The following MID1 variants were observed in gnomAD, a reference collection of about 807,000 sequenced individuals.
MID1 encodes E3 ubiquitin-protein ligase Midline-1.
A neutral mutation model predicts 40.4 loss-of-function variants in MID1; 7 were observed. The ratio of observed to expected loss-of-function variants is 0.17; its 90% confidence interval spans 0.10 to 0.33. MID1 has a LOEUF of 0.33. MID1 is among the 10% of genes least tolerant of loss of function. The probability of loss-of-function intolerance (pLI) is 1.00; values close to 1 mark genes in which losing one functional copy is unlikely to be tolerated. For synonymous variants in MID1, 229 were observed against 221.2 expected (o/e 1.04, Z -0.31); for missense variants, 367 against 558.5 (o/e 0.66, Z 3.46).
chrX:10,728,197 C>T (rs187648510), intron 1 of MID1, among the ~76,000 whole-genome samples: 32 of 110,847 alleles, frequency 2.9e-4, no homozygotes, highest in Non-Finnish European at 5.5e-4. Flanking sequence ...TTTTCCCCCC[C>T]CAGGAAAAAA....
intron 1 of MID1, among the ~76,000 whole-genome samples, chrX:10,630,860 A>G (rs1001634010): frequency 9.0e-6 from 1 of 110,781 alleles, no homozygotes; most frequent in African/African-American, 3.3e-5. Context: ...TATGTGTCAG[A>G]TAAAGAGCAG....
chrX:10,819,326 T>C (rs1309157882), intron 1 of MID1, among the ~76,000 whole-genome samples: 1 of 112,387 alleles, frequency 8.9e-6, no homozygotes, highest in Non-Finnish European at 1.9e-5. Context: ...TTAATTTGTA[T>C]TGTAACTTAT....
chrX:10,707,574 T>C (rs2147086705), intron 1 of MID1, among the ~76,000 whole-genome samples: 1 of 112,461 alleles, frequency 8.9e-6, no homozygotes, highest in African/African-American at 3.2e-5. Context: ...ATCAGAAATA[T>C]TCTGTGAGGA....
At chrX:10,530,951 C>T (rs2147384586) in intron 2 of MID1, among the ~76,000 whole-genome samples, 1 of 111,984 alleles carries the variant, frequency 8.9e-6, no homozygotes, top group Non-Finnish European at 1.9e-5. Context: ...TGGGTTTGCC[C>T]AGGACTTAAA....
intron 9 of MID1, among the ~76,000 whole-genome samples, chrX:10,451,331 G>A: frequency 9.0e-6 from 1 of 111,640 alleles, no homozygotes; most frequent in Non-Finnish European, 1.9e-5. Flanking sequence ...CTTTCCTGAT[G>A]GCAGACAGTA....
At chrX:10,628,856 A>T (rs910396781) in intron 1 of MID1, among the ~76,000 whole-genome samples, 5 of 112,385 alleles carry the variant, frequency 4.4e-5, no homozygotes, top group African/African-American at 1.3e-4. Flanking sequence ...TGGACCAGTT[A>T]TACATCAGTC....
chrX:10,678,848 C>A (rs1274886456), intron 1 of MID1, among the ~76,000 whole-genome samples: 1 of 111,930 alleles, frequency 8.9e-6, no homozygotes, highest in African/African-American at 3.2e-5. Context: ...TATTGCCTGT[C>A]AGAGTGGACT....
At chrX:10,707,527 A>G (rs1185262178) in intron 1 of MID1, among the ~76,000 whole-genome samples, 3 of 112,322 alleles carry the variant, frequency 2.7e-5, no homozygotes, top group African/African-American at 9.7e-5. Flanking sequence ...GCCATACCTT[A>G]TCTAATTTTC....
chrX:10,689,070 C>T (rs1197092589), intron 1 of MID1, among the ~76,000 whole-genome samples: 2 of 109,390 alleles, frequency 1.8e-5, no homozygotes, highest in Non-Finnish European at 3.8e-5. Flanking sequence ...GACAAAGTTC[C>T]CTAATGACTT....
chrX:10,747,520 CAT>C (rs1015151134), intron 1 of MID1, among the ~76,000 whole-genome samples: 9 of 112,193 alleles, frequency 8.0e-5, no homozygotes, highest in Non-Finnish European at 1.1e-4. Flanking sequence ...TATTATTTCA[CAT>C]GTTTTAATTT....
At chrX:10,535,500 G>A (rs1195827492) in intron 2 of MID1, among the ~76,000 whole-genome samples, 1 of 111,993 alleles carries the variant, frequency 8.9e-6, no homozygotes, top group African/African-American at 3.2e-5. Flanking sequence ...TATTAAAACA[G>A]TGCTTAGCGG....
chrX:10,732,107 T>C (rs113917497), intron 1 of MID1, among the ~76,000 whole-genome samples: 4,202 of 110,900 alleles, frequency 0.038, 174 homozygotes, highest in African/African-American at 0.13. Context: ...CATACTTTAT[T>C]ATGAGATATT....
chrX:10,744,613 T>C (rs1371220128), intron 1 of MID1, among the ~76,000 whole-genome samples: 2 of 111,696 alleles, frequency 1.8e-5, no homozygotes, highest in African/African-American at 6.5e-5. Context: ...CTAATCTTTC[T>C]AGTTGGTGAC....
chrX:10,449,220 A>C lies in MID1; in HGVS notation c.*148T>G, dbSNP rs1928173112. 1 of 457,093 alleles carries C rather than the reference A, an allele frequency of 2.2e-6. No homozygotes were observed. Among genetic ancestry groups the C allele is most frequent in the Non-Finnish European group, 3.8e-6 (1 of 262,164 alleles). The allele number at this position is 457,093 out of a possible 1,213,427, so 37.7% of individuals were successfully genotyped here. ...TACAAGACACAGTAAAAGGAGAGGA[A>C]TCTCTTGTTTTGAGCCCTATCTGAG... On this transcript the variant is annotated 3_prime_UTR_variant, in exon 10 of 10. Coordinates refer to ENST00000317552, the MANE Select transcript of MID1 (RefSeq NM_000381.4).
rs1274021386 is a variant in MID1 at position 10,541,620 on chromosome X, A to G, written c.661-18433T>C. ...TTTTAAATGAAAACTCTACTAAAGT[A>G]GTTTCCAGTTCTTTGCACTTTGTAG... On this transcript the variant is annotated intron_variant, in intron 2 of 9. Transcript: ENST00000317552. 4.5e-5 allele frequency among the ~76,000 whole-genome samples: 5 copies of G among 111,692 alleles called. No homozygotes were observed. In the East Asian group the frequency reaches 1.4e-3, roughly 31 times the overall value.
At chrX:10,747,681 G>A (rs2043568081) in intron 1 of MID1, among the ~76,000 whole-genome samples, 1 of 111,896 alleles carries the variant, frequency 8.9e-6, no homozygotes, top group Non-Finnish European at 1.9e-5. Context: ...TTTGTGTTGT[G>A]TGTTTTTAAA....
chrX:10,552,167 T>C (rs1297606598), intron 2 of MID1, among the ~76,000 whole-genome samples: 6 of 62,195 alleles, frequency 9.6e-5, no homozygotes, highest in Non-Finnish European at 1.8e-4. Context: ...TATGAAGGAG[T>C]GGTAAAAAAA....
intron 3 of MID1, among the ~76,000 whole-genome samples, chrX:10,508,185 AT>A (rs1808511777): frequency 8.9e-6 from 1 of 112,296 alleles, no homozygotes; most frequent in Non-Finnish European, 1.9e-5. Context: ...AGCAGCGAAC[AT>A]GCCAAGTGCA....
chrX:10,655,019 A>G (rs1213588557), intron 1 of MID1, among the ~76,000 whole-genome samples: 1 of 112,396 alleles, frequency 8.9e-6, no homozygotes, highest in African/African-American at 3.2e-5. Context: ...CACAACGAAC[A>G]AGGAAATTAC....
Sources: allele counts gnomAD v4.1 joint callset (sites outside exome capture counted in the v4.1 genomes callset), GRCh38; gene constraint gnomAD v4.1.1; transcripts MANE v1.5; gene names NCBI Gene and HGNC (gene_info 2026-07-23, HGNC 2026-07-21).